APOE: variants seen among roughly 807,000 people sequenced by gnomAD.
APOE encodes apolipoprotein E.
APOE carries 10 observed loss-of-function variants against 13.1 expected under a neutral mutation model. That is an observed-to-expected ratio of 0.76 (90% CI 0.47 to 1.29). The LOEUF (loss-of-function observed/expected upper bound fraction) is 1.29, where lower values mean the gene tolerates loss of function less well. Among genes scored for constraint, APOE ranks in the 50% most tolerant of loss-of-function variants. The pLI is 0.00. For synonymous variants in APOE, 211 were observed against 207.1 expected, an observed-to-expected ratio of 1.02 and a Z score of -0.16; for missense variants, 471 against 459.6, an observed-to-expected ratio of 1.02 and a Z score of -0.23.
In APOE at chr19:44,906,129, G is replaced by A. The variant is rs192348494; in HGVS notation, c.-24+288G>A. Among the ~76,000 whole-genome samples the A allele has an allele frequency of 1.6e-4, 24 of 152,246 alleles. No homozygotes were observed. In the East Asian group the frequency reaches 4.4e-3, roughly 28 times the overall value. ...CACTATCATTTATCGAGCACCTACT[G>A]GGTGTCCCCAGTGTCCTCAGATCTC... On this transcript the variant is annotated intron_variant, in intron 1 of 3. Coordinates refer to ENST00000252486, the MANE Select transcript of APOE (RefSeq NM_000041.4).
In APOE at chr19:44,906,802, G is replaced by C. The variant is rs1370426995; in HGVS notation, c.43+135G>C. ...GTGCTGCTTCCTGGCTCTGAACAGCGATTTGACGCTCTCTGGGCCTCGGTT... is the reference window on the plus strand; with the variant it reads ...GTGCTGCTTCCTGGCTCTGAACAGCCATTTGACGCTCTCTGGGCCTCGGTT... On this transcript the variant is annotated intron_variant, in intron 2 of 3. Coordinates refer to ENST00000252486, the MANE Select transcript of APOE (RefSeq NM_000041.4). 7.4e-6 allele frequency: 6 copies of C among 814,770 alleles called. No individual in the cohort carries two copies. In the Admixed American group the frequency reaches 8.0e-5, roughly 11 times the overall value. The allele number at this position is 814,770 out of a possible 1,614,324, so 50.5% of individuals were successfully genotyped here.
intron 1 of APOE, among the ~76,000 whole-genome samples, chr19:44,906,181 C>T (rs1969803143): frequency 6.6e-6 from 1 of 152,176 alleles, no homozygotes; most frequent in Non-Finnish European, 1.5e-5. Flanking sequence ...GGGGCAGCGA[C>T]ACGGTAGCTA....
chr19:44,908,988 G>T lies in APOE; in HGVS notation c.692G>T (p.Arg231Leu). ...LQERAQAWGE[R>L]LRARMEEMGS... ...GAGCGGGCCCAGGCCTGGGGCGAGC[G>T]GCTGCGCGCGCGGATGGAGGAGATG... Residue 231 changes from arginine (R) to leucine (L), a missense_variant, in exon 4 of 4, where the codon CGG (arginine) becomes CTG (leucine). Arg to Leu is a moderately radical substitution (Grantham distance 102). Coordinates refer to ENST00000252486, the MANE Select transcript of APOE (RefSeq NM_000041.4). The T allele has an allele frequency of 6.5e-7, 1 of 1,532,778 alleles. No homozygotes were observed. The highest frequency in any genetic ancestry group is 8.7e-7 in the Non-Finnish European group (1 of 1,145,402). 94.9% of individuals were successfully genotyped at this position (1,532,778 alleles called of 1,614,324 possible).
rs766084317 is a variant in APOE, at chr19:44,905,856, CG to C, written c.-24+20del. On this transcript the variant is annotated intron_variant, in intron 1 of 3. Coordinates refer to ENST00000252486, the MANE Select transcript of APOE (RefSeq NM_000041.4). ...CCCAGGAGCCGGTGAGAAGCGCAGT[CG>C]GGGGCACGGGGATGAGCTCAGGGGC... 1 of 1,293,494 alleles carries C rather than the reference CG, an allele frequency of 7.7e-7. No homozygotes were observed. The highest frequency in any genetic ancestry group is 1.2e-5 in the South Asian group (1 of 80,104). 80.1% of individuals were successfully genotyped at this position (1,293,494 alleles called of 1,614,324 possible).
chr19:44,906,462 G>A (rs1168259986), intron 1 of APOE, 140 bp from the exon 2 acceptor site: 1 of 861,056 alleles, frequency 1.2e-6, no homozygotes, highest in East Asian at 2.5e-5. Context: ...GGGGCGGCTT[G>A]GTAAATGTGC....
At chr19:44,906,013 T>C in intron 1 of APOE, 172 bp downstream of exon 1, 1 of 1,059,016 alleles carries the variant, frequency 9.4e-7, no homozygotes, top group Non-Finnish European at 1.2e-6. Context: ...TGGGAAGGGC[T>C]GGGCAGCAGA....
Position 44,906,637 on chromosome 19 carries a change from T to C in APOE, c.13T>C (p.Trp5Arg). 1 of 1,614,010 alleles carries C rather than the reference T, an allele frequency of 6.2e-7. No homozygotes were observed. The highest frequency in any genetic ancestry group is 8.5e-7 in the Non-Finnish European group (1 of 1,179,986). The change falls in exon 2 of 4, where the codon TGG (tryptophan) becomes CGG (arginine). Residue 5 changes from tryptophan to arginine, a missense_variant. By Grantham distance (101) the Trp-to-Arg change is moderately radical. Coordinates refer to ENST00000252486, the MANE Select transcript of APOE (RefSeq NM_000041.4). MKVL[W>R]AALLVTFLAG... ...CACAGGCAGGAAGATGAAGGTTCTG[T>C]GGGCTGCGTTGCTGGTCACATTCCT...
intron 3 of APOE, 89 bp downstream of exon 3, chr19:44,908,041 C>T (rs1969843909): frequency 1.6e-6 from 2 of 1,289,456 alleles, no homozygotes; most frequent in African/African-American, 1.5e-5. Context: ...GTCGCTAAGT[C>T]TTGGGGGGCC....
Position 44,908,552 on chromosome 19 carries a change from A to T in APOE, c.256A>T (p.Met86Leu). ...QELRALMDET[M>L]KELKAYKSEL... The stretch of plus-strand genomic sequence containing the variant: ...CCGCAGGGCGCTGATGGACGAGACC[A>T]TGAAGGAGTTGAAGGCCTACAAATC... Residue 86 changes from methionine to leucine, a missense_variant, in exon 4 of 4, where the codon ATG becomes TTG. Physicochemically the swap from Met to Leu is conservative, Grantham distance 15. Transcript: ENST00000252486. 1 of 1,613,008 alleles carries T rather than the reference A, an allele frequency of 6.2e-7. No homozygotes were observed. The highest frequency in any genetic ancestry group is 8.5e-7 in the Non-Finnish European group (1 of 1,179,356).
intron 3 of APOE, 85 bp from the exon 4 acceptor site, chr19:44,908,448 T>C (rs2122134829): frequency 7.1e-7 from 1 of 1,403,240 alleles, no homozygotes. Flanking sequence ...TGGGTCTCTC[T>C]GGCTCATCCC....
In APOE at chr19:44,907,953, G is replaced by A; in HGVS notation, c.236+1G>A. 5 of 1,613,016 alleles carry A rather than the reference G, an allele frequency of 3.1e-6. No homozygotes were observed. The highest frequency in any genetic ancestry group is 3.4e-6 in the Non-Finnish European group (4 of 1,179,728). Reference sequence around the variant, plus strand: ...GCTCCCAGGTCACCCAGGAACTGAGGTGAGTGTCCCCATCCTGGCCCTTGA... The same window carrying A: ...GCTCCCAGGTCACCCAGGAACTGAGATGAGTGTCCCCATCCTGGCCCTTGA... On this transcript the variant is annotated splice_donor_variant, in intron 3 of 3. Coordinates refer to ENST00000252486, the MANE Select transcript of APOE (RefSeq NM_000041.4). LOFTEE classifies it high-confidence loss of function. The surrounding 1 kb of genome is among the most constrained non-coding windows in gnomAD (Gnocchi z 4.1).
Position 44,909,285 on chromosome 19 carries a change from C to A in APOE, c.*35C>A. 1 of 1,580,806 alleles carries A rather than the reference C, an allele frequency of 6.3e-7. No homozygotes were observed. The highest frequency in any genetic ancestry group is 8.6e-7 in the Non-Finnish European group (1 of 1,166,232). On this transcript the variant is annotated 3_prime_UTR_variant, in exon 4 of 4. Coordinates refer to ENST00000252486, the MANE Select transcript of APOE (RefSeq NM_000041.4). ...CCTGCAGCCATGCGACCCCACGCCA[C>A]CCCGTGCCTCCTGCCTCCGCGCAGC...
chr19:44,906,755 G>C (rs1969816792), intron 2 of APOE, 88 bp downstream of exon 2: 1 of 1,369,852 alleles, frequency 7.3e-7, no homozygotes. Flanking sequence ...GCAGACCCTG[G>C]GCCCCCTCTT....
In APOE at chr19:44,908,998, G is replaced by C. The variant is rs1441106443; in HGVS notation, c.702G>C (p.Ala234=). The C allele has an allele frequency of 1.3e-6, 2 of 1,534,498 alleles. No individual in the cohort carries two copies. Among genetic ancestry groups the C allele is most frequent in the Admixed American group, 2.0e-5 (1 of 50,940 alleles). ...RAQAWGERLR[A]RMEEMGSRTR... ...AGGCCTGGGGCGAGCGGCTGCGCGCGCGGATGGAGGAGATGGGCAGCCGGA... is the reference window on the plus strand; with the variant it reads ...AGGCCTGGGGCGAGCGGCTGCGCGCCCGGATGGAGGAGATGGGCAGCCGGA... The change falls in exon 4 of 4, where the codon GCG becomes GCC. Residue 234 remains alanine (A), a synonymous_variant. Transcript: ENST00000252486.
In APOE at chr19:44,908,525, G is replaced by T; in HGVS notation, c.237-8G>T. 1 of 1,613,028 alleles carries T rather than the reference G, an allele frequency of 6.2e-7. No homozygotes were observed. The highest frequency in any genetic ancestry group is 8.5e-7 in the Non-Finnish European group (1 of 1,179,426). On this transcript the variant is annotated splice_region_variant and splice_polypyrimidine_tract_variant and intron_variant, in intron 3 of 3. Transcript: ENST00000252486. ...CTGTGCGACACCCTCCCGCCCTCTCGGCCGCAGGGCGCTGATGGACGAGAC... is the reference window on the plus strand; with the variant it reads ...CTGTGCGACACCCTCCCGCCCTCTCTGCCGCAGGGCGCTGATGGACGAGAC...
In APOE at chr19:44,908,529, G is replaced by A. The variant is rs1238363607; in HGVS notation, c.237-4G>A. On this transcript the variant is annotated splice_region_variant and splice_polypyrimidine_tract_variant and intron_variant, in intron 3 of 3. Transcript: ENST00000252486. ...GCGACACCCTCCCGCCCTCTCGGCC[G>A]CAGGGCGCTGATGGACGAGACCATG... 2 of 1,612,716 alleles carry A rather than the reference G, an allele frequency of 1.2e-6. No homozygotes were observed. The highest frequency in any genetic ancestry group is 1.7e-6 in the Non-Finnish European group (2 of 1,179,132).
intron 3 of APOE, 133 bp from the exon 4 acceptor site, chr19:44,908,400 C>T (rs748795891): frequency 3.0e-5 from 27 of 888,970 alleles, no homozygotes; most frequent in Non-Finnish European, 4.7e-5. Context: ...GTCTCTGTCT[C>T]CTTCTCTCGG....
chr19:44,907,681 C>T lies in APOE; in HGVS notation c.44-79C>T. 3 of 1,340,466 alleles carry T rather than the reference C, an allele frequency of 2.2e-6. No homozygotes were observed. The highest frequency in any genetic ancestry group is 3.1e-6 in the Non-Finnish European group (3 of 966,622). 83.0% of individuals were successfully genotyped at this position (1,340,466 alleles called of 1,614,324 possible). A position where few individuals can be genotyped will look rare whatever the true frequency, so the allele number is the denominator to read the frequency against. On this transcript the variant is annotated intron_variant, in intron 2 of 3. Coordinates refer to ENST00000252486, the MANE Select transcript of APOE (RefSeq NM_000041.4). The surrounding 1 kb of genome is among the most constrained non-coding windows in gnomAD (Gnocchi z 4.1). ...GCTCCAAAGAAGCATTTGTGGAGCA[C>T]CTTCTGTGTGCCCCTAGGTACTAGA...
At position 44,909,104 on chromosome 19, in the gene APOE, C is replaced by T. The variant is rs992440908; in HGVS notation, c.808C>T (p.Leu270=). The stretch of plus-strand genomic sequence containing the variant: ...GGAGGAGCAGGCCCAGCAGATACGC[C>T]TGCAGGCCGAGGCCTTCCAGGCCCG... ...KLEEQAQQIR[L]QAEAFQARLK... Residue 270 remains leucine, a synonymous_variant, in exon 4 of 4, where the codon CTG becomes TTG. Coordinates refer to ENST00000252486, the MANE Select transcript of APOE (RefSeq NM_000041.4). 3.8e-6 allele frequency: 6 copies of T among 1,589,204 alleles called. No homozygotes were observed. The Admixed American group carries it at 5.2e-5, about 14-fold the overall frequency.
Sources: allele counts gnomAD v4.1 joint callset (sites outside exome capture counted in the v4.1 genomes callset), GRCh38; gene constraint gnomAD v4.1.1; non-coding constraint Gnocchi (gnomAD v3.1); transcripts MANE v1.5; gene names NCBI Gene and HGNC (gene_info 2026-07-23, HGNC 2026-07-21).